The following GLIS1 variants were observed in gnomAD, a reference collection of about 807,000 sequenced individuals.
GLIS1 encodes zinc finger protein GLIS1.
Under a neutral mutation model 63.8 loss-of-function variants are expected in GLIS1, and 24 were observed. That is an observed-to-expected ratio of 0.38 (90% CI 0.27 to 0.53). The LOEUF is 0.53. GLIS1 is among the 20% of genes least tolerant of loss of function. GLIS1 has a pLI of 0.85. For missense variants in GLIS1, 1,036 were observed against 1,074.1 expected (o/e 0.96, Z 0.50); for synonymous variants, 450 against 482.5 (o/e 0.93, Z 0.88).
intron 2 of GLIS1, among the ~76,000 whole-genome samples, chr1:53,671,700 T>C (rs919005385): frequency 3.3e-5 from 5 of 152,254 alleles, no homozygotes; most frequent in East Asian, 1.9e-4. Flanking sequence ...ATGAATGGTA[T>C]GGAAAATGGA....
chr1:53,517,924 T>C (rs1421416544), intron 7 of GLIS1, among the ~76,000 whole-genome samples: 1 of 152,190 alleles, frequency 6.6e-6, no homozygotes, highest in Non-Finnish European at 1.5e-5. Flanking sequence ...CAGATGGGAA[T>C]GAAGGAACCA....
intron 2 of GLIS1, among the ~76,000 whole-genome samples, chr1:53,667,140 A>C (rs576894200): frequency 6.6e-6 from 1 of 152,366 alleles, no homozygotes; most frequent in South Asian, 2.1e-4. Context: ...GACTAAAAGC[A>C]CTTTGGGAAC....
intron 2 of GLIS1, among the ~76,000 whole-genome samples, chr1:53,671,992 C>A (rs1646157315): frequency 6.6e-6 from 1 of 152,162 alleles, no homozygotes; most frequent in Non-Finnish European, 1.5e-5. Flanking sequence ...TGAGGAAATT[C>A]TCAGCTTTTC....
intron 2 of GLIS1, among the ~76,000 whole-genome samples, chr1:53,684,358 A>G (rs1253288804): frequency 1.3e-5 from 2 of 152,166 alleles, no homozygotes; most frequent in East Asian, 3.9e-4. Flanking sequence ...ACCCTGGGAA[A>G]GCGTGGGAAA....
At chr1:53,601,326 C>A (rs1454878215) in intron 2 of GLIS1, among the ~76,000 whole-genome samples, 1 of 152,086 alleles carries the variant, frequency 6.6e-6, no homozygotes, top group East Asian at 1.9e-4. Flanking sequence ...AGTGGATGCA[C>A]CAAGAAGGAA....
chr1:53,723,811 A>G (rs1202483301), intron 2 of GLIS1, among the ~76,000 whole-genome samples: 1 of 152,212 alleles, frequency 6.6e-6, no homozygotes, highest in Admixed American at 6.5e-5. Context: ...CCACTTCCCA[A>G]AGAAGGACTA....
At chr1:53,714,800 C>T (rs913502807) in intron 2 of GLIS1, among the ~76,000 whole-genome samples, 1 of 152,280 alleles carries the variant, frequency 6.6e-6, no homozygotes, top group African/African-American at 2.4e-5. Flanking sequence ...GTGCCACCCA[C>T]TTGGAGTCAG....
At position 53,560,300 on chromosome 1, in the gene GLIS1, G is replaced by C. The variant is rs1644873118; in HGVS notation, c.1321-30348C>G. On this transcript the variant is annotated intron_variant, in intron 4 of 10. Coordinates refer to ENST00000628545, the MANE Select transcript of GLIS1 (RefSeq NM_001367484.1). The surrounding 1 kb of genome is among the most constrained non-coding windows in gnomAD (Gnocchi z 4.4). Reference sequence around the variant, plus strand: ...ACTCATCTCTGTCCCAGCACTGAGGGAAGACAAGGAGCCCTAGGGGTTGCT... The same window carrying C: ...ACTCATCTCTGTCCCAGCACTGAGGCAAGACAAGGAGCCCTAGGGGTTGCT... 6.6e-6 allele frequency among the ~76,000 whole-genome samples: 1 copy of C among 152,304 alleles called. No individual in the cohort carries two copies. The highest frequency in any genetic ancestry group is 1.9e-4 in the East Asian group (1 of 5,182).
intron 4 of GLIS1, among the ~76,000 whole-genome samples, chr1:53,568,645 G>A (rs564177286): frequency 4.7e-4 from 71 of 152,186 alleles, no homozygotes; most frequent in Non-Finnish European, 8.1e-4. Flanking sequence ...GATCATGGGC[G>A]GATTTCCCCT....
chr1:53,659,224 C>T (rs913080944), intron 2 of GLIS1, among the ~76,000 whole-genome samples: 1 of 152,168 alleles, frequency 6.6e-6, no homozygotes, highest in Admixed American at 6.5e-5. Flanking sequence ...AAGAGCAGGC[C>T]TGGACTTGCT....
chr1:53,534,372 G>T (rs913399516), intron 4 of GLIS1, among the ~76,000 whole-genome samples: 1 of 152,002 alleles, frequency 6.6e-6, no homozygotes, highest in Non-Finnish European at 1.5e-5. Flanking sequence ...CTGACATCCC[G>T]GTCGCCTCAG....
At chr1:53,508,705 GT>G (rs1644263194) in intron 10 of GLIS1, among the ~76,000 whole-genome samples, 1 of 152,164 alleles carries the variant, frequency 6.6e-6, no homozygotes, top group Non-Finnish European at 1.5e-5. Context: ...TGACCTCCAG[GT>G]TCTGTCCCCG....
At chr1:53,522,994 T>TTTCTTTC (rs1256695716) in intron 6 of GLIS1, among the ~76,000 whole-genome samples, 4 of 148,934 alleles carry the variant, frequency 2.7e-5, no homozygotes, top group South Asian at 2.1e-4. Context: ...TTCTTTTTTT[T>TTTCTTTC]TTTTTTTTTT....
At chr1:53,555,056 T>C (rs768658694) in intron 4 of GLIS1, among the ~76,000 whole-genome samples, 1 of 152,176 alleles carries the variant, frequency 6.6e-6, no homozygotes, top group Non-Finnish European at 1.5e-5. Context: ...CCCACGGGAC[T>C]GGCATGTTTC....
intron 4 of GLIS1, among the ~76,000 whole-genome samples, chr1:53,580,324 G>A (rs1295660021): frequency 1.3e-5 from 2 of 152,162 alleles, no homozygotes; most frequent in African/African-American, 4.8e-5. Flanking sequence ...CTCCCTACCT[G>A]TGAGGTTGGT....
chr1:53,722,518 A>G (rs940327506), intron 2 of GLIS1, among the ~76,000 whole-genome samples: 2 of 152,168 alleles, frequency 1.3e-5, no homozygotes, highest in Admixed American at 6.5e-5. Flanking sequence ...TGTATCACCT[A>G]TTCAAAATAC....
chr1:53,566,814 C>G (rs911624169), intron 4 of GLIS1, among the ~76,000 whole-genome samples: 3 of 152,214 alleles, frequency 2.0e-5, no homozygotes, highest in African/African-American at 7.2e-5. Flanking sequence ...TCCAAGTTTC[C>G]TGAGGCCTCT....
intron 4 of GLIS1, among the ~76,000 whole-genome samples, chr1:53,593,597 T>G (rs1326536920): frequency 6.6e-6 from 1 of 152,116 alleles, no homozygotes; most frequent in African/African-American, 2.4e-5. Context: ...GACCTGCAGC[T>G]CTCGAGCCGG....
In GLIS1 at chr1:53,646,151, G is replaced by A. The variant is rs1440385767; in HGVS notation, c.260-45873C>T. Among the ~76,000 whole-genome samples the A allele has an allele frequency of 2.0e-5, 3 of 152,148 alleles. No individual in the cohort carries two copies. Among genetic ancestry groups the A allele is most frequent in the East Asian group, 1.9e-4 (1 of 5,202 alleles). On this transcript the variant is annotated intron_variant, in intron 2 of 10. Coordinates refer to ENST00000628545, the MANE Select transcript of GLIS1 (RefSeq NM_001367484.1). This position sits in a 1 kb window ranked among gnomAD's most constrained non-coding sequence, Gnocchi z 4.2. ...ATATTGTTTAGGCACACATAGACAC[G>A]TGATAAAAACTATTTATTTGATTAA...
Sources: gnomAD v4.1 joint callset for allele counts (sites outside exome capture counted in the v4.1 genomes callset) on GRCh38, gnomAD v4.1.1 for gene constraint, Gnocchi (gnomAD v3.1) non-coding constraint, MANE v1.5 for transcripts, NCBI Gene and HGNC (gene_info 2026-07-23, HGNC 2026-07-21) for gene names.